Variants in AKAP19 observed in about 807,000 individuals in gnomAD.
AKAP19 encodes the protein small A-kinase anchoring protein.
chr2:189,902,535 G>A, the AKAP19 span, among the ~76,000 whole-genome samples: 1 of 151,870 alleles, frequency 6.6e-6, no homozygotes, highest in Non-Finnish European at 1.5e-5. Context: ...AAATTTCTCA[G>A]AGAGCTTTTC....
the AKAP19 span, among the ~76,000 whole-genome samples, chr2:190,120,849 T>C: frequency 6.6e-6 from 1 of 152,176 alleles, no homozygotes; most frequent in Admixed American, 6.5e-5. Flanking sequence ...CAGAGATTGC[T>C]TGGATGATAA....
the AKAP19 span, among the ~76,000 whole-genome samples, chr2:190,021,941 T>A: frequency 6.6e-6 from 1 of 152,176 alleles, no homozygotes; most frequent in Non-Finnish European, 1.5e-5. Flanking sequence ...GTGTCTAGTA[T>A]GAACCTGCTT....
At chr2:189,908,409 C>G in the AKAP19 span, among the ~76,000 whole-genome samples, 8 of 152,090 alleles carry the variant, frequency 5.3e-5, no homozygotes, top group African/African-American at 1.7e-4. Flanking sequence ...GTTGGCCAGG[C>G]TGGTCTTGAA....
At chr2:190,173,120 A>AAAAAT in the AKAP19 span, among the ~76,000 whole-genome samples, 13,984 of 151,650 alleles carry the variant, frequency 0.092, 849 homozygotes, top group Non-Finnish European at 0.14. Context: ...ATCTCAAAAA[A>AAAAAT]AATAAAATAA....
At chr2:190,127,195 A>G in the AKAP19 span, among the ~76,000 whole-genome samples, 1 of 149,886 alleles carries the variant, frequency 6.7e-6, no homozygotes, top group Non-Finnish European at 1.5e-5. Flanking sequence ...CTGACTGGAA[A>G]AAAAAAAAAA....
the AKAP19 span, among the ~76,000 whole-genome samples, chr2:190,189,025 C>T: frequency 6.6e-6 from 1 of 152,138 alleles, no homozygotes; most frequent in Non-Finnish European, 1.5e-5. Context: ...TCATTTTTCC[C>T]AACACAGGAC....
chr2:189,895,025 A>G, the AKAP19 span, among the ~76,000 whole-genome samples: 1 of 152,020 alleles, frequency 6.6e-6, no homozygotes, highest in Non-Finnish European at 1.5e-5. Flanking sequence ...AAAGAACAAC[A>G]CTAATGAAAG....
At chr2:190,159,013 G>C in the AKAP19 span, among the ~76,000 whole-genome samples, 11 of 152,212 alleles carry the variant, frequency 7.2e-5, no homozygotes, top group African/African-American at 2.7e-4. Context: ...GATTCCAAAG[G>C]CTGCAGTGGA....
At chr2:190,002,093 C>G in the AKAP19 span, among the ~76,000 whole-genome samples, 2 of 152,194 alleles carry the variant, frequency 1.3e-5, no homozygotes, top group African/African-American at 4.8e-5. Flanking sequence ...AGAACAAGGG[C>G]AGGGGATATG....
chr2:190,148,895 T>C, the AKAP19 span, among the ~76,000 whole-genome samples: 1 of 152,060 alleles, frequency 6.6e-6, no homozygotes, highest in African/African-American at 2.4e-5. Context: ...AGATTTTCCC[T>C]CTTCTTTTCT....
the AKAP19 span, among the ~76,000 whole-genome samples, chr2:190,102,900 CT>C: frequency 1.3e-5 from 2 of 152,078 alleles, no homozygotes; most frequent in African/African-American, 2.4e-5. Context: ...AAAAAGAAGA[CT>C]GCAGGCCAAT....
chr2:190,174,426 C>T, the AKAP19 span, among the ~76,000 whole-genome samples: 1 of 152,202 alleles, frequency 6.6e-6, no homozygotes, highest in South Asian at 2.1e-4. Flanking sequence ...TCTCATTCTC[C>T]TTAACTTCTT....
the AKAP19 span, among the ~76,000 whole-genome samples, chr2:190,158,756 G>A: frequency 6.6e-6 from 1 of 152,212 alleles, no homozygotes; most frequent in Admixed American, 6.5e-5. Flanking sequence ...GCATGCATAA[G>A]AGGCAGATCT....
the AKAP19 span, among the ~76,000 whole-genome samples, chr2:189,962,464 T>C: frequency 6.6e-6 from 1 of 152,168 alleles, no homozygotes; most frequent in Admixed American, 6.5e-5. Context: ...TCATTTTCAA[T>C]ATCATGATAA....
the AKAP19 span, among the ~76,000 whole-genome samples, chr2:190,095,809 T>C: frequency 3.9e-5 from 6 of 152,176 alleles, no homozygotes; most frequent in South Asian, 2.1e-4. Context: ...TAATTTGACT[T>C]TATGTAACTG....
chr2:190,123,719 G>A, the AKAP19 span, among the ~76,000 whole-genome samples: 12 of 152,138 alleles, frequency 7.9e-5, no homozygotes, highest in African/African-American at 2.9e-4. Context: ...AATTTTAGGA[G>A]CCAACTAACC....
the AKAP19 span, among the ~76,000 whole-genome samples, chr2:190,010,632 G>A: frequency 2.6e-5 from 4 of 152,188 alleles, no homozygotes; most frequent in African/African-American, 9.6e-5. Flanking sequence ...CACTGTGGTT[G>A]TATAGAAAAT....
chr2:189,997,912 G>C, the AKAP19 span, among the ~76,000 whole-genome samples: 16 of 152,134 alleles, frequency 1.1e-4, no homozygotes, highest in Non-Finnish European at 1.6e-4. Context: ...TTCCCCAAAG[G>C]CCCCTGTGAA....
the AKAP19 span, among the ~76,000 whole-genome samples, chr2:189,899,381 T>G: frequency 6.6e-6 from 1 of 152,202 alleles, no homozygotes. Flanking sequence ...TGTATTACCT[T>G]TATGTGATCT....
Sources: allele counts gnomAD v4.1 joint callset (sites outside exome capture counted in the v4.1 genomes callset), GRCh38; gene constraint gnomAD v4.1.1; transcripts MANE v1.5; gene names NCBI Gene and HGNC (gene_info 2026-07-23, HGNC 2026-07-21).